The following RGS22 variants were observed in gnomAD, a reference collection of about 807,000 sequenced individuals.
The protein encoded by RGS22 is regulator of G-protein signaling 22.
A neutral mutation model predicts 172.9 loss-of-function variants in RGS22; 148 were observed. The observed-to-expected ratio is 0.86, with a 90% CI of 0.75 to 0.98. RGS22 has a LOEUF of 0.98. RGS22 is among the 50% of genes least tolerant of loss of function. RGS22 has a pLI of 0.00. For missense variants in RGS22, 1,347 were observed against 1,440.8 expected (o/e 0.93, Z 1.05); for synonymous variants, 458 against 480.2 (o/e 0.95, Z 0.60).
At chr8:100,000,971 T>C (rs1382375203) in intron 18 of RGS22, among the ~76,000 whole-genome samples, 2 of 151,812 alleles carry the variant, frequency 1.3e-5, no homozygotes, top group African/African-American at 2.4e-5. Flanking sequence ...TTAGCATTAA[T>C]CTGAAATTTG....
intron 23 of RGS22, among the ~76,000 whole-genome samples, chr8:99,977,552 AAAAC>A (rs1812106263): frequency 1.3e-5 from 2 of 152,190 alleles, no homozygotes; most frequent in Non-Finnish European, 2.9e-5. Context: ...AAGGACTTAT[AAAAC>A]AAGGATAAGG....
chr8:100,068,891 T>C (rs1436990379), intron 6 of RGS22, among the ~76,000 whole-genome samples: 1 of 148,582 alleles, frequency 6.7e-6, no homozygotes, highest in Non-Finnish European at 1.5e-5. Flanking sequence ...GCTGAGATTG[T>C]ACCACTGCAC....
chr8:100,020,556 A>C (rs1817504850), intron 14 of RGS22, among the ~76,000 whole-genome samples: 1 of 152,108 alleles, frequency 6.6e-6, no homozygotes, highest in Non-Finnish European at 1.5e-5. Flanking sequence ...AAAAATGGAG[A>C]GGATTCACAG....
chr8:100,017,678 A>G (rs1246751221), intron 14 of RGS22, among the ~76,000 whole-genome samples: 1 of 152,216 alleles, frequency 6.6e-6, no homozygotes, highest in African/African-American at 2.4e-5. Context: ...AACACACTTA[A>G]AATCTTTATA....
chr8:100,030,264 T>C (rs1414463091), intron 14 of RGS22, among the ~76,000 whole-genome samples: 1 of 152,234 alleles, frequency 6.6e-6, no homozygotes, highest in East Asian at 1.9e-4. Flanking sequence ...TATAAAGGTA[T>C]AGCACACACA....
chr8:100,050,059 A>T (rs1821121484), intron 10 of RGS22, among the ~76,000 whole-genome samples: 1 of 151,722 alleles, frequency 6.6e-6, no homozygotes, highest in South Asian at 2.1e-4. Flanking sequence ...CCAAAAAAAA[A>T]AAAAAGGAAA....
At chr8:100,105,704 G>A (rs959913849) in intron 1 of RGS22, 193 bp downstream of exon 1, 23 of 559,782 alleles carry the variant, frequency 4.1e-5, no homozygotes, top group South Asian at 9.3e-5. Flanking sequence ...GCGAGATAAC[G>A]TGGTGCCAGC....
chr8:100,032,353 G>C (rs1818913394), intron 14 of RGS22, among the ~76,000 whole-genome samples: 3 of 151,836 alleles, frequency 2.0e-5, no homozygotes, highest in Admixed American at 6.6e-5. Flanking sequence ...CAAAAAAAAG[G>C]AGGGGTTGCA....
At position 100,074,828 on chromosome 8, in the gene RGS22, C is replaced by T. The variant is rs553390172; in HGVS notation, c.340-2598G>A. Among the ~76,000 whole-genome samples, 379 of 151,962 alleles carry T rather than the reference C, an allele frequency of 2.5e-3. 2 individuals carry two copies. The highest frequency in any genetic ancestry group is 8.4e-3 in the African/African-American group (349 of 41,372). On this transcript the variant is annotated intron_variant, in intron 4 of 27. Transcript: ENST00000360863. ...TATCGCCCAGGCTGGAGGGCAGTGG[C>T]GTGATCTCGGCTCACTGCAAGTTCT...
At chr8:99,974,526 G>A (rs563214274) in intron 23 of RGS22, among the ~76,000 whole-genome samples, 3 of 152,284 alleles carry the variant, frequency 2.0e-5, no homozygotes, top group Admixed American at 1.3e-4. Flanking sequence ...AAGGCCGGGT[G>A]CAGTGGCTCA....
At chr8:100,050,783 G>GA (rs1821194342) in intron 10 of RGS22, 1 of 151,768 alleles carries the variant, frequency 6.6e-6, no homozygotes, top group Non-Finnish European at 1.5e-5. Context: ...TTCCCCATTT[G>GA]AAAAAATGCT....
intron 3 of RGS22, chr8:100,091,882 C>T (rs1049581182): frequency 2.0e-5 from 3 of 152,132 alleles, no homozygotes; most frequent in African/African-American, 2.4e-5. Context: ...TCAGACCAAA[C>T]AAGAACTCCT....
chr8:100,002,169 A>G (rs1257641727), intron 18 of RGS22, 33 bp downstream of exon 18: 1 of 1,486,884 alleles, frequency 6.7e-7, no homozygotes, highest in Non-Finnish European at 9.0e-7. Flanking sequence ...GTTTTCAAAC[A>G]TCAATTAAAA....
chr8:100,068,399 G>GTA lies in RGS22; in HGVS notation c.595-2105_595-2104dup, dbSNP rs199935762. ...GCCCTGTCTCAACAAAAAACATTTT[G>GTA]TATATATATATACAGTGTTAAAGTA... is the stretch of plus-strand genomic sequence containing the variant. On this transcript the variant is annotated intron_variant, in intron 6 of 27. Coordinates refer to ENST00000360863, the MANE Select transcript of RGS22 (RefSeq NM_015668.5). Among the ~76,000 whole-genome samples, 175 of 151,766 alleles carry GTA rather than the reference G, an allele frequency of 1.2e-3. 3 individuals carry two copies. In the East Asian group the frequency reaches 0.024, roughly 21 times the overall value.
chr8:100,008,519 G>A lies in RGS22; in HGVS notation c.2217C>T (p.Leu739=), dbSNP rs16897863. The change falls in exon 15 of 28, where the codon CTC becomes CTT. Residue 739 remains leucine, a synonymous_variant. Coordinates refer to ENST00000360863, the MANE Select transcript of RGS22 (RefSeq NM_015668.5). ...VAPSATLDIG[L]QQEKKKEIYM... Reference sequence around the variant, plus strand: ...AAATTTCTTTTTTCTTTTCCTGTTGGAGTCCAATGTCAAGAGTGGCAGAAG... The same window carrying A: ...AAATTTCTTTTTTCTTTTCCTGTTGAAGTCCAATGTCAAGAGTGGCAGAAG... 1,076 of 1,612,660 alleles carry A rather than the reference G, an allele frequency of 6.7e-4. 9 individuals are homozygous for A. The African/African-American group carries it at 0.013, about 20-fold the overall frequency.
intron 26 of RGS22, 59 bp from the exon 27 acceptor site, chr8:99,962,502 G>C: frequency 2.6e-6 from 4 of 1,558,484 alleles, no homozygotes; most frequent in Non-Finnish European, 3.5e-6. Context: ...GCAGAGGAGA[G>C]GAACAGAGAC....
intron 16 of RGS22, 65 bp downstream of exon 16, chr8:100,005,952 A>G: frequency 8.6e-7 from 1 of 1,160,244 alleles, no homozygotes; most frequent in South Asian, 1.3e-5. Flanking sequence ...CCCCTGCCCC[A>G]TACATAAAGT....
intron 19 of RGS22, among the ~76,000 whole-genome samples, chr8:99,999,057 G>C (rs778080002): frequency 6.6e-6 from 1 of 151,856 alleles, no homozygotes; most frequent in South Asian, 2.1e-4. Flanking sequence ...TACTTGGGAG[G>C]CTGAGGTGGG....
intron 18 of RGS22, among the ~76,000 whole-genome samples, chr8:100,001,549 G>C (rs966720575): frequency 6.6e-6 from 1 of 151,948 alleles, no homozygotes; most frequent in African/African-American, 2.4e-5. Flanking sequence ...TTATATTCTT[G>C]CTGTCAATCT....
Sources: allele counts gnomAD v4.1 joint callset (sites outside exome capture counted in the v4.1 genomes callset), GRCh38; gene constraint gnomAD v4.1.1; transcripts MANE v1.5; gene names NCBI Gene and HGNC (gene_info 2026-07-23, HGNC 2026-07-21).